Variants in CDH20 observed in about 807,000 individuals in gnomAD.
CDH20 encodes the protein cadherin-20.
Under a neutral mutation model 74.2 loss-of-function variants are expected in CDH20, and 29 were observed. That is an observed-to-expected ratio of 0.39 (90% CI 0.29 to 0.53). The LOEUF is 0.53. Ranked by LOEUF, CDH20 falls within the 20% of genes least tolerant of loss-of-function variation. The pLI, the probability that CDH20 is intolerant of heterozygous loss-of-function variation, is 0.69. For synonymous variants in CDH20, 469 were observed against 405.4 expected (o/e 1.16, Z -1.88); for missense variants, 988 against 1,048.3 (o/e 0.94, Z 0.79).
intron 1 of CDH20, among the ~76,000 whole-genome samples, chr18:61,413,967 T>C (rs1261637157): frequency 6.6e-6 from 1 of 152,156 alleles, no homozygotes; most frequent in Non-Finnish European, 1.5e-5. Context: ...ATAATACACC[T>C]CAGTAGGTCA....
At chr18:61,553,798 TTCA>T (rs966038741) in intron 11 of CDH20, among the ~76,000 whole-genome samples, 23 of 149,826 alleles carry the variant, frequency 1.5e-4, no homozygotes, top group African/African-American at 5.4e-4. Context: ...ATGTATATTT[TTCA>T]TCATATAAAC....
At chr18:61,411,632 T>TA (rs1912511018) in intron 1 of CDH20, among the ~76,000 whole-genome samples, 1 of 101,964 alleles carries the variant, frequency 9.8e-6, no homozygotes, top group South Asian at 3.2e-4. Flanking sequence ...GAGATATGTA[T>TA]CCACACACAC....
intron 1 of CDH20, among the ~76,000 whole-genome samples, chr18:61,400,421 G>A (rs980277149): frequency 6.6e-6 from 1 of 152,186 alleles, no homozygotes; most frequent in African/African-American, 2.4e-5. Context: ...GTTAACTTGC[G>A]AAAGACCTAA....
chr18:61,499,836 T>G (rs1233138128), intron 3 of CDH20, among the ~76,000 whole-genome samples: 1 of 152,146 alleles, frequency 6.6e-6, no homozygotes, highest in Non-Finnish European at 1.5e-5. Context: ...GGCTCACGCC[T>G]GTAATCCTAG....
At chr18:61,334,049 G>C (rs899451305) in intron 1 of CDH20, among the ~76,000 whole-genome samples, 2 of 152,162 alleles carry the variant, frequency 1.3e-5, no homozygotes, top group African/African-American at 2.4e-5. Flanking sequence ...TGCCGGGACT[G>C]GGGGAGCTGC....
intron 1 of CDH20, among the ~76,000 whole-genome samples, chr18:61,448,409 C>A (rs1909270427): frequency 6.6e-6 from 1 of 152,066 alleles, no homozygotes; most frequent in Non-Finnish European, 1.5e-5. Flanking sequence ...AGTTTCAAAG[C>A]CATTTCAATT....
chr18:61,430,819 G>C (rs1320834663), intron 1 of CDH20, among the ~76,000 whole-genome samples: 1 of 151,960 alleles, frequency 6.6e-6, no homozygotes, highest in Non-Finnish European at 1.5e-5. Flanking sequence ...TTACTTTCTG[G>C]CAGTATAAGA....
chr18:61,350,084 C>T (rs1052614833), intron 1 of CDH20, among the ~76,000 whole-genome samples: 15 of 151,992 alleles, frequency 9.9e-5, no homozygotes, highest in South Asian at 4.1e-4. Context: ...AACTCCATGC[C>T]GTTGCTCCTG....
chr18:61,366,360 G>A (rs771401172), intron 1 of CDH20, among the ~76,000 whole-genome samples: 1 of 152,000 alleles, frequency 6.6e-6, no homozygotes, highest in Non-Finnish European at 1.5e-5. Context: ...TTCCCTTATG[G>A]CCTTCCTCTG....
intron 2 of CDH20, among the ~76,000 whole-genome samples, chr18:61,492,414 C>A (rs1466735297): frequency 1.3e-5 from 2 of 152,152 alleles, no homozygotes; most frequent in Non-Finnish European, 2.9e-5. Flanking sequence ...TGTTCTCCAC[C>A]ATGGTCTTTT....
chr18:61,333,594 C>T lies in CDH20; in HGVS notation c.-386C>T, dbSNP rs1051491839. 6.6e-6 allele frequency: 1 copy of T among 152,074 alleles called. No individual in the cohort carries two copies. The highest frequency in any genetic ancestry group is 1.5e-5 in the Non-Finnish European group (1 of 68,158). 9.4% of individuals were successfully genotyped at this position (152,074 alleles called of 1,614,324 possible). A position where few individuals can be genotyped will look rare whatever the true frequency, so the allele number is the denominator to read the frequency against. On this transcript the variant is annotated 5_prime_UTR_variant, in exon 1 of 12. Coordinates refer to ENST00000262717, the MANE Select transcript of CDH20 (RefSeq NM_031891.4). ...GCGGGGTTGGTGCACTTGGCAGTAC[C>T]CCCCAACTCCTGGCAACCGCACGGA...
chr18:61,438,235 T>A (rs545283283), intron 1 of CDH20, among the ~76,000 whole-genome samples: 4 of 152,284 alleles, frequency 2.6e-5, no homozygotes, highest in African/African-American at 9.6e-5. Flanking sequence ...CCTTGACTCC[T>A]CTGACAATGA....
In CDH20 at chr18:61,554,187, C is replaced by T. The variant is rs375905939; in HGVS notation, c.1901-3C>T. On this transcript the variant is annotated splice_polypyrimidine_tract_variant and splice_region_variant and intron_variant, in intron 11 of 11. Coordinates refer to ENST00000262717, the MANE Select transcript of CDH20 (RefSeq NM_031891.4). ...AACACACTCTCCTTTTTGTTCCTGG[C>T]AGTGCTGGTGTTGCTCATTTTGTCC... 340 of 1,604,406 alleles carry T rather than the reference C, an allele frequency of 2.1e-4. No individual in the cohort carries two copies. Among genetic ancestry groups the T allele is most frequent in the Non-Finnish European group, 2.7e-4 (321 of 1,173,330 alleles).
At chr18:61,356,329 A>C (rs1326367662) in intron 1 of CDH20, among the ~76,000 whole-genome samples, 1 of 152,084 alleles carries the variant, frequency 6.6e-6, no homozygotes, top group Non-Finnish European at 1.5e-5. Context: ...GACTCCACTT[A>C]TTTCTTCTGC....
intron 1 of CDH20, among the ~76,000 whole-genome samples, chr18:61,483,779 C>A (rs1447710147): frequency 2.0e-5 from 3 of 152,098 alleles, no homozygotes; most frequent in African/African-American, 7.2e-5. Context: ...CACTTAATTA[C>A]AATCACCCTG....
chr18:61,384,829 T>C (rs1019197347), intron 1 of CDH20, among the ~76,000 whole-genome samples: 4 of 152,324 alleles, frequency 2.6e-5, no homozygotes, highest in African/African-American at 9.6e-5. Flanking sequence ...ATCCCATCAA[T>C]ACAAGAATAT....
At chr18:61,458,170 CTCCT>C (rs1909643062) in intron 1 of CDH20, among the ~76,000 whole-genome samples, 1 of 152,162 alleles carries the variant, frequency 6.6e-6, no homozygotes, top group African/African-American at 2.4e-5. Flanking sequence ...TCCCTACAAC[CTCCT>C]TCCTGTGTCC....
chr18:61,554,563 G>A lies in CDH20; in HGVS notation c.2274G>A (p.Gly758=), dbSNP rs1307296471. ...TCGAGGGGGACGGCTCTGTGGCGGG[G>A]TCGCTGAGCTCCCTGCAGTCGGCCA... is the stretch of plus-strand genomic sequence containing the variant. ...YMFEGDGSVA[G]SLSSLQSATS... is the part of the protein sequence containing the mutation. The change falls in exon 12 of 12, where the codon GGG becomes GGA. Residue 758 remains glycine, a synonymous_variant. Coordinates refer to ENST00000262717, the MANE Select transcript of CDH20 (RefSeq NM_031891.4). The A allele has an allele frequency of 6.2e-7, 1 of 1,610,932 alleles. No homozygotes were observed. The highest frequency in any genetic ancestry group is 8.5e-7 in the Non-Finnish European group (1 of 1,178,904).
chr18:61,365,063 T>C (rs1599038209), intron 1 of CDH20, among the ~76,000 whole-genome samples: 1 of 152,210 alleles, frequency 6.6e-6, no homozygotes, highest in Non-Finnish European at 1.5e-5. Flanking sequence ...ACTCACTATC[T>C]AGAAATTACT....
Sources: allele counts gnomAD v4.1 joint callset (sites outside exome capture counted in the v4.1 genomes callset), GRCh38; gene constraint gnomAD v4.1.1; transcripts MANE v1.5; gene names NCBI Gene and HGNC (gene_info 2026-07-23, HGNC 2026-07-21).